Variants in ATG7 observed in about 807,000 individuals in gnomAD.
ATG7 encodes ubiquitin-like modifier-activating enzyme ATG7.
A neutral mutation model predicts 82.4 loss-of-function variants in ATG7; 70 were observed. That is an observed-to-expected ratio of 0.85 (90% CI 0.70 to 1.04). The LOEUF is 1.04. Ranked by LOEUF, ATG7 falls within the 50% of genes least tolerant of loss-of-function variation. The pLI, the probability that ATG7 is intolerant of heterozygous loss-of-function variation, is 0.00. For synonymous variants in ATG7, 287 were observed against 313.0 expected, an observed-to-expected ratio of 0.92 and a Z score of 0.88; for missense variants, 792 against 864.3, an observed-to-expected ratio of 0.92 and a Z score of 1.05.
At chr3:11,362,967 T>G (rs953341699) in intron 17 of ATG7, 39 bp downstream of exon 17, 1 of 1,565,336 alleles carries the variant, frequency 6.4e-7, no homozygotes, top group African/African-American at 1.4e-5. Context: ...TAAACAAAGC[T>G]TTTGTAGGCA....
Position 11,426,810 on chromosome 3 carries a change from G to T in ATG7, c.1963G>T (p.Asp655Tyr). ...AAATGTAAATGTTTTACAGGTTCTT[G>T]ATCAATATGAACGAGAAGGATTTAA... is the stretch of plus-strand genomic sequence containing the variant. ...KCTACSSKVL[D>Y]QYEREGFNFL... The change falls in exon 20 of 21, where the codon GAT becomes TAT. Residue 655 changes from aspartate to tyrosine, a missense_variant. Transcript: ENST00000693202. 1 of 1,591,896 alleles carries T rather than the reference G, an allele frequency of 6.3e-7. No individual in the cohort carries two copies. Among genetic ancestry groups the T allele is most frequent in the South Asian group, 1.2e-5 (1 of 86,116 alleles).
Position 11,467,893 on chromosome 3 carries a change from C to T in ATG7, c.2079+40967C>T, listed in dbSNP as rs149004988. Among the ~76,000 whole-genome samples the T allele has an allele frequency of 8.4e-3, 1,281 of 152,054 alleles. 12 individuals are homozygous for T. Among genetic ancestry groups the T allele is most frequent in the Non-Finnish European group, 0.01 (700 of 67,970 alleles). On this transcript the variant is annotated intron_variant, in intron 20 of 20. Coordinates refer to ENST00000693202, the MANE Select transcript of ATG7 (RefSeq NM_001349232.2). ...ATATTTTTACCTTTGAATTTTTTTG[C>T]CAAAATAATACAGAATTAGAAAGAA...
intron 20 of ATG7, among the ~76,000 whole-genome samples, chr3:11,460,707 A>T (rs938531213): frequency 2.0e-5 from 3 of 152,184 alleles, no homozygotes; most frequent in African/African-American, 4.8e-5. Context: ...CCCAAATTTC[A>T]TCCCAGTCAA....
At chr3:11,274,034 C>T (rs1039234014) in intron 1 of ATG7, among the ~76,000 whole-genome samples, 1 of 152,114 alleles carries the variant, frequency 6.6e-6, no homozygotes, top group Non-Finnish European at 1.5e-5. Context: ...CACCTATAGC[C>T]CTTTGCTTCT....
At chr3:11,417,351 C>A (rs567350403) in intron 19 of ATG7, among the ~76,000 whole-genome samples, 1 of 152,150 alleles carries the variant, frequency 6.6e-6, no homozygotes, top group Non-Finnish European at 1.5e-5. Context: ...TATTTTGATG[C>A]ACTGTTGTTA....
intron 14 of ATG7, chr3:11,348,688 G>A (rs1954961880): frequency 2.0e-5 from 3 of 152,296 alleles, no homozygotes; most frequent in Admixed American, 2.0e-4. Flanking sequence ...GGGGACCCAA[G>A]TGGGTTGCTG....
intron 19 of ATG7, among the ~76,000 whole-genome samples, chr3:11,400,931 A>C (rs1469601014): frequency 6.6e-6 from 1 of 152,208 alleles, no homozygotes; most frequent in African/African-American, 2.4e-5. Context: ...ATTGAGTAAA[A>C]CTGCTAAATA....
At chr3:11,297,166 G>C (rs1363394271) in intron 3 of ATG7, among the ~76,000 whole-genome samples, 2 of 152,174 alleles carry the variant, frequency 1.3e-5, no homozygotes, top group South Asian at 2.1e-4. Flanking sequence ...GACCAGCCTG[G>C]GTGACATGAC....
chr3:11,463,245 C>T (rs1406360299), intron 20 of ATG7, among the ~76,000 whole-genome samples: 1 of 152,176 alleles, frequency 6.6e-6, no homozygotes, highest in African/African-American at 2.4e-5. Context: ...CTACTGACTT[C>T]AGCTTGCAGC....
chr3:11,408,359 T>C (rs1293353543), intron 19 of ATG7, among the ~76,000 whole-genome samples: 2 of 152,204 alleles, frequency 1.3e-5, no homozygotes, highest in African/African-American at 2.4e-5. Flanking sequence ...AGCAAGTCTC[T>C]AGGAAGTTCC....
At chr3:11,332,882 A>G (rs1295932757) in intron 10 of ATG7, 90 bp from the exon 11 acceptor site, 16 of 1,272,212 alleles carry the variant, frequency 1.3e-5, no homozygotes, top group Middle Eastern at 2.9e-4. Flanking sequence ...ATTCTCTCCA[A>G]CTGGTTTGCT....
At chr3:11,531,640 G>T (rs1450581191) in intron 20 of ATG7, among the ~76,000 whole-genome samples, 4 of 152,188 alleles carry the variant, frequency 2.6e-5, no homozygotes, top group Non-Finnish European at 4.4e-5. Context: ...GGGATGCCAA[G>T]GGAGTTGGAT....
At chr3:11,479,321 C>G (rs1374428212) in intron 20 of ATG7, among the ~76,000 whole-genome samples, 1 of 152,016 alleles carries the variant, frequency 6.6e-6, no homozygotes, top group Non-Finnish European at 1.5e-5. Context: ...AAGAGATTAC[C>G]ATATTTGTGT....
At chr3:11,551,064 T>C (rs1400936336) in intron 20 of ATG7, among the ~76,000 whole-genome samples, 1 of 152,214 alleles carries the variant, frequency 6.6e-6, no homozygotes, top group Non-Finnish European at 1.5e-5. Flanking sequence ...AGTCTATCTT[T>C]TCGTAATGAG....
chr3:11,388,514 C>T (rs557678421), intron 19 of ATG7, among the ~76,000 whole-genome samples: 6 of 151,688 alleles, frequency 4.0e-5, no homozygotes, highest in East Asian at 3.9e-4. Flanking sequence ...CTGCAAGCTC[C>T]GCCTCCCAGG....
chr3:11,489,673 T>A (rs1258768051), intron 20 of ATG7, among the ~76,000 whole-genome samples: 2 of 147,366 alleles, frequency 1.4e-5, no homozygotes, highest in African/African-American at 5.0e-5. Context: ...TCTGGTATGT[T>A]GTGTCTTTGT....
intron 18 of ATG7, among the ~76,000 whole-genome samples, chr3:11,378,927 G>A (rs987932015): frequency 1.3e-5 from 2 of 151,936 alleles, no homozygotes; most frequent in African/African-American, 4.8e-5. Flanking sequence ...GTGGTGGATC[G>A]GGTCTTCTGT....
rs572024660 is a variant in ATG7 at position 11,555,102 on chromosome 3, T to G, written c.*259T>G. On this transcript the variant is annotated 3_prime_UTR_variant, in exon 21 of 21. Transcript: ENST00000693202. ...CCTGGGACTTGGTCCTCCATGCAGT[T>G]TTTATTTCTTGTCACAGTGACTGAT... 8.0e-6 allele frequency: 4 copies of G among 499,242 alleles called. No individual in the cohort carries two copies. The Admixed American group carries it at 1.2e-4, about 15-fold the overall frequency. 30.9% of individuals were successfully genotyped at this position (499,242 alleles called of 1,614,324 possible).
intron 5 of ATG7, among the ~76,000 whole-genome samples, chr3:11,303,245 A>C (rs961860120): frequency 6.6e-6 from 1 of 152,210 alleles, no homozygotes; most frequent in African/African-American, 2.4e-5. Context: ...TCGTGGCCTC[A>C]CTTGTCTTGC....
Sources: allele counts gnomAD v4.1 joint callset (sites outside exome capture counted in the v4.1 genomes callset), GRCh38; gene constraint gnomAD v4.1.1; transcripts MANE v1.5; gene names NCBI Gene and HGNC (gene_info 2026-07-23, HGNC 2026-07-21).